Variants in ADAMTS17 observed in about 807,000 individuals in gnomAD.
ADAMTS17 encodes the protein ADAM metallopeptidase with thrombospondin type 1 motif 17, also known as A disintegrin and metalloproteinase with thrombospondin motifs 17.
A neutral mutation model predicts 141.5 loss-of-function variants in ADAMTS17; 113 were observed. The observed-to-expected ratio is 0.80, with a 90% CI of 0.69 to 0.93. ADAMTS17 has a LOEUF of 0.93. ADAMTS17 is among the 40% of genes least tolerant of loss of function. The pLI, the probability that ADAMTS17 is intolerant of heterozygous loss-of-function variation, is 0.00. For missense variants in ADAMTS17, 1,659 were observed against 1,517.9 expected (o/e 1.09, Z -1.54); for synonymous variants, 768 against 630.6 (o/e 1.22, Z -3.27).
intron 9 of ADAMTS17, among the ~76,000 whole-genome samples, chr15:100,153,819 G>T (rs935055811): frequency 2.0e-5 from 3 of 152,158 alleles, no homozygotes; most frequent in Admixed American, 1.3e-4. Context: ...GACACAGACT[G>T]ATCCTGGTTT....
chr15:100,082,786 T>C (rs567552941), intron 15 of ADAMTS17, among the ~76,000 whole-genome samples: 18 of 141,560 alleles, frequency 1.3e-4, no homozygotes, highest in Admixed American at 2.9e-4. Flanking sequence ...TTTTTTTCAG[T>C]TCATCTTGGT....
intron 15 of ADAMTS17, among the ~76,000 whole-genome samples, chr15:100,077,415 T>A (rs1031274181): frequency 6.7e-6 from 1 of 150,094 alleles, no homozygotes; most frequent in Admixed American, 6.6e-5. Context: ...TGATCCGAGA[T>A]TGTGCAACTG....
Position 100,296,399 on chromosome 15 carries a change from A to G in ADAMTS17, c.617-14998T>C, listed in dbSNP as rs372702684. Reference sequence around the variant, plus strand: ...TGCATAAATCCAACATCCTTGAAGCATAATGGCCTTCTCTTTCTTTTTTTT... The same window carrying G: ...TGCATAAATCCAACATCCTTGAAGCGTAATGGCCTTCTCTTTCTTTTTTTT... On this transcript the variant is annotated intron_variant, in intron 3 of 21. Transcript: ENST00000268070. 1.0e-3 allele frequency among the ~76,000 whole-genome samples: 154 copies of G among 152,114 alleles called. No homozygotes were observed. In the South Asian group the frequency reaches 0.021, roughly 20 times the overall value.
At chr15:100,217,774 T>G (rs1019236140) in intron 7 of ADAMTS17, among the ~76,000 whole-genome samples, 2 of 152,178 alleles carry the variant, frequency 1.3e-5, no homozygotes, top group Non-Finnish European at 2.9e-5. Context: ...GAAATGATAT[T>G]TGCCAATCAT....
At chr15:100,154,966 G>A (rs980412374) in intron 9 of ADAMTS17, among the ~76,000 whole-genome samples, 3 of 152,130 alleles carry the variant, frequency 2.0e-5, no homozygotes, top group Non-Finnish European at 4.4e-5. Flanking sequence ...ATTACGTAAT[G>A]ATCACCCACT....
chr15:100,023,204 ATT>A (rs201830207), intron 18 of ADAMTS17, among the ~76,000 whole-genome samples: 3 of 146,118 alleles, frequency 2.1e-5, no homozygotes, highest in Non-Finnish European at 1.5e-5. Context: ...AAATAAAAAA[ATT>A]TTTTTTTTTT....
intron 15 of ADAMTS17, among the ~76,000 whole-genome samples, chr15:100,082,000 C>G (rs1448457405): frequency 6.6e-6 from 1 of 152,216 alleles, no homozygotes; most frequent in African/African-American, 2.4e-5. Context: ...TCTTTACTTA[C>G]TAGACATGTT....
intron 3 of ADAMTS17, among the ~76,000 whole-genome samples, chr15:100,313,659 C>T (rs1448826642): frequency 2.0e-5 from 3 of 152,360 alleles, no homozygotes; most frequent in South Asian, 4.1e-4. Context: ...CAGCATGTGC[C>T]TCCTGATAAG....
chr15:100,213,996 C>T (rs1040007066), intron 7 of ADAMTS17, among the ~76,000 whole-genome samples: 1 of 152,150 alleles, frequency 6.6e-6, no homozygotes, highest in Admixed American at 6.5e-5. Flanking sequence ...CTGAGAAGGC[C>T]CTGAAAGTGA....
At chr15:100,068,221 G>A (rs896498082) in intron 15 of ADAMTS17, among the ~76,000 whole-genome samples, 20 of 152,296 alleles carry the variant, frequency 1.3e-4, no homozygotes, top group African/African-American at 4.8e-4. Flanking sequence ...GCCCGCCATT[G>A]TCCAGGCTTG....
At chr15:100,289,490 G>A (rs979617754) in intron 3 of ADAMTS17, among the ~76,000 whole-genome samples, 1 of 151,878 alleles carries the variant, frequency 6.6e-6, no homozygotes, top group African/African-American at 2.4e-5. Context: ...ATTCTATATG[G>A]TCAGCATCAT....
At chr15:100,258,051 C>G (rs890974352) in intron 6 of ADAMTS17, among the ~76,000 whole-genome samples, 1 of 152,226 alleles carries the variant, frequency 6.6e-6, no homozygotes, top group East Asian at 1.9e-4. Flanking sequence ...GTCACAATCT[C>G]CTTCCTTTTT....
intron 15 of ADAMTS17, among the ~76,000 whole-genome samples, chr15:100,083,114 G>C (rs530928569): frequency 6.6e-6 from 1 of 152,218 alleles, no homozygotes; most frequent in Non-Finnish European, 1.5e-5. Flanking sequence ...AGAGTAAAAT[G>C]TAAGTGAAAA....
chr15:100,149,289 T>A (rs548427784), intron 10 of ADAMTS17, among the ~76,000 whole-genome samples: 6 of 152,330 alleles, frequency 3.9e-5, no homozygotes, highest in African/African-American at 1.2e-4. Context: ...CAGGGAAGCA[T>A]CTGGTCTTCT....
At chr15:100,059,435 T>A (rs558153579) in intron 15 of ADAMTS17, among the ~76,000 whole-genome samples, 143 of 148,664 alleles carry the variant, frequency 9.6e-4, no homozygotes, top group African/African-American at 3.5e-3. Flanking sequence ...TAGCAGGAGG[T>A]CAGCAGAGCC....
intron 18 of ADAMTS17, among the ~76,000 whole-genome samples, chr15:100,031,139 A>G (rs1489703252): frequency 3.3e-5 from 5 of 152,200 alleles, no homozygotes; most frequent in Non-Finnish European, 7.4e-5. Context: ...GTGGGTTTGC[A>G]TGCAGCTAGG....
chr15:100,130,831 G>A (rs746850925), intron 12 of ADAMTS17, among the ~76,000 whole-genome samples: 22 of 152,232 alleles, frequency 1.4e-4, no homozygotes, highest in Non-Finnish European at 1.9e-4. Context: ...GGTAAGAAAT[G>A]GGAAGCTTCA....
At chr15:100,063,648 T>A (rs2141669889) in intron 15 of ADAMTS17, 1 of 1,288,836 alleles carries the variant, frequency 7.8e-7, no homozygotes, top group East Asian at 5.6e-5. Flanking sequence ...TCTCAACACA[T>A]AAATGGTGAG....
intron 3 of ADAMTS17, among the ~76,000 whole-genome samples, chr15:100,329,571 CAACT>C (rs1214709767): frequency 1.3e-5 from 2 of 150,660 alleles, no homozygotes; most frequent in African/African-American, 4.9e-5. Flanking sequence ...CACACACAAC[CAACT>C]GTCAGACCAA....
Sources: allele counts gnomAD v4.1 joint callset (sites outside exome capture counted in the v4.1 genomes callset), GRCh38; gene constraint gnomAD v4.1.1; transcripts MANE v1.5; gene names NCBI Gene and HGNC (gene_info 2026-07-23, HGNC 2026-07-21).